Variants in MEIS2 observed in about 807,000 individuals in gnomAD.
The protein encoded by MEIS2 is Meis homeobox 2.
Under a neutral mutation model 58.6 loss-of-function variants are expected in MEIS2, and 9 were observed. The ratio of observed to expected loss-of-function variants is 0.15; its 90% CI spans 0.09 to 0.27. The LOEUF (loss-of-function observed/expected upper bound fraction) is 0.27. MEIS2 is among the 10% of genes least tolerant of loss of function. The probability of loss-of-function intolerance (pLI) is 1.00; values close to 1 mark genes in which losing one functional copy is unlikely to be tolerated. For synonymous variants in MEIS2, 221 were observed against 228.4 expected (o/e 0.97, Z 0.29); for missense variants, 427 against 635.0 (o/e 0.67, Z 3.52).
intron 8 of MEIS2, among the ~76,000 whole-genome samples, chr15:36,978,337 T>C (rs2059824420): frequency 6.6e-6 from 1 of 152,340 alleles, no homozygotes; most frequent in East Asian, 1.9e-4. Context: ...TCTGAGATGT[T>C]AAATGACCTG....
At chr15:36,934,952 T>C (rs2141343068) in intron 9 of MEIS2, among the ~76,000 whole-genome samples, 1 of 152,308 alleles carries the variant, frequency 6.6e-6, no homozygotes, top group Admixed American at 6.5e-5. Context: ...TTATATAGTG[T>C]TCTAGGGATA....
At chr15:37,064,330 A>AT (rs149553574) in intron 7 of MEIS2, among the ~76,000 whole-genome samples, 10,843 of 151,926 alleles carry the variant, frequency 0.071, 429 homozygotes, top group African/African-American at 0.095. Context: ...AGAAATCTCT[A>AT]TTTTTTCTAT....
intron 8 of MEIS2, among the ~76,000 whole-genome samples, chr15:37,016,312 G>T (rs542074778): frequency 7.0e-6 from 1 of 143,804 alleles, no homozygotes; most frequent in Non-Finnish European, 1.5e-5. Context: ...TCCAGTTTTT[G>T]TTCTTTTTTC....
rs190315348 is a variant in MEIS2, at chr15:36,922,159, T to C, written c.978-25473A>G. Among the ~76,000 whole-genome samples the C allele has an allele frequency of 9.8e-5, 15 of 152,288 alleles. No homozygotes were observed. In the East Asian group the frequency reaches 1.7e-3, roughly 18 times the overall value. On this transcript the variant is annotated intron_variant, in intron 9 of 11. Coordinates refer to ENST00000561208, the MANE Select transcript of MEIS2 (RefSeq NM_170675.5). ...ACTGGAAGGAGTAGAAGGGAGAGCA[T>C]TGGTCTGTTAGAACCTAAAGGTTTA...
intron 9 of MEIS2, among the ~76,000 whole-genome samples, chr15:36,917,661 A>G (rs1249014228): frequency 5.3e-5 from 8 of 152,340 alleles, no homozygotes; most frequent in African/African-American, 1.7e-4. Context: ...TTTATCTCCA[A>G]TCATACTCTA....
intron 8 of MEIS2, among the ~76,000 whole-genome samples, chr15:36,952,932 A>T (rs2058813080): frequency 6.6e-6 from 1 of 152,152 alleles, no homozygotes; most frequent in Non-Finnish European, 1.5e-5. Context: ...TCATTAAAAA[A>T]ATTGGTACCT....
At chr15:36,916,430 TAA>T (rs58199968) in intron 9 of MEIS2, among the ~76,000 whole-genome samples, 53 of 121,470 alleles carry the variant, frequency 4.4e-4, no homozygotes, top group Admixed American at 8.3e-4. Context: ...CCATCTCAAT[TAA>T]AAAAAAAAAA....
In MEIS2 at chr15:37,098,225, G is replaced by A. The variant is rs1364871999; in HGVS notation, c.13-26C>T. 7 of 1,561,358 alleles carry A rather than the reference G, an allele frequency of 4.5e-6. No homozygotes were observed. In the Admixed American group the frequency reaches 5.4e-5, roughly 12 times the overall value. On this transcript the variant is annotated intron_variant, in intron 1 of 11. Coordinates refer to ENST00000561208, the MANE Select transcript of MEIS2 (RefSeq NM_170675.5). ...CTGTCAGAACCCGGGAAGGGGGAGG[G>A]GGCGCAGGAGGTGAGGGAGAACAGA...
chr15:36,984,270 G>T (rs1320524907), intron 8 of MEIS2, among the ~76,000 whole-genome samples: 1 of 151,936 alleles, frequency 6.6e-6, no homozygotes, highest in African/African-American at 2.4e-5. Context: ...TATTATGTTA[G>T]CTATAAGCTT....
chr15:36,896,843 G>A (rs1484807991), intron 9 of MEIS2, 157 bp from the exon 10 acceptor site: 1 of 636,634 alleles, frequency 1.6e-6, no homozygotes, highest in Non-Finnish European at 2.7e-6. Context: ...TTCAAAAATA[G>A]TTGACTGGGT....
intron 8 of MEIS2, among the ~76,000 whole-genome samples, chr15:36,977,929 A>G (rs1349742912): frequency 6.6e-6 from 1 of 152,210 alleles, no homozygotes; most frequent in African/African-American, 2.4e-5. Flanking sequence ...AGCAACTACT[A>G]TACACAAAAT....
chr15:37,077,102 A>C (rs1298231403), intron 7 of MEIS2, among the ~76,000 whole-genome samples: 1 of 152,096 alleles, frequency 6.6e-6, no homozygotes, highest in Non-Finnish European at 1.5e-5. Context: ...ATAATAAAAC[A>C]TTTTATTTCC....
chr15:36,916,413 C>T (rs570208467), intron 9 of MEIS2, among the ~76,000 whole-genome samples: 10 of 138,798 alleles, frequency 7.2e-5, no homozygotes, highest in Admixed American at 4.6e-4. Flanking sequence ...GGTGATGGAG[C>T]GAGACTCCAT....
At chr15:36,942,829 G>A (rs898666461) in intron 9 of MEIS2, among the ~76,000 whole-genome samples, 1 of 151,968 alleles carries the variant, frequency 6.6e-6, no homozygotes, top group African/African-American at 2.4e-5. Context: ...ACCAGGCTAT[G>A]GCCCCCAAGA....
At chr15:37,052,582 G>A (rs536964343) in intron 7 of MEIS2, among the ~76,000 whole-genome samples, 3 of 152,290 alleles carry the variant, frequency 2.0e-5, no homozygotes, top group African/African-American at 7.2e-5. Context: ...ACCTGGATAA[G>A]CAGTCACTTA....
At chr15:36,940,892 T>C (rs1324776442) in intron 9 of MEIS2, among the ~76,000 whole-genome samples, 1 of 152,184 alleles carries the variant, frequency 6.6e-6, no homozygotes. Flanking sequence ...TATGTTCCCT[T>C]TGGTGCTAAT....
intron 6 of MEIS2, among the ~76,000 whole-genome samples, chr15:37,087,120 C>T (rs892312724): frequency 5.3e-5 from 8 of 152,002 alleles, no homozygotes; most frequent in Admixed American, 2.0e-4. Flanking sequence ...TAAAGAGAAA[C>T]GCTCGCCGGG....
chr15:37,024,035 G>C (rs984733616), intron 8 of MEIS2, among the ~76,000 whole-genome samples: 1 of 149,550 alleles, frequency 6.7e-6, no homozygotes, highest in Admixed American at 6.7e-5. Flanking sequence ...TCAGCCTCCC[G>C]ATTAGCTGGG....
chr15:37,038,647 T>C (rs1315775992), intron 7 of MEIS2, among the ~76,000 whole-genome samples: 3 of 152,228 alleles, frequency 2.0e-5, no homozygotes, highest in Non-Finnish European at 2.9e-5. Context: ...CTGTTCTCTT[T>C]TTCTTTGCCT....
Sources: gnomAD v4.1 joint callset for allele counts (sites outside exome capture counted in the v4.1 genomes callset) on GRCh38, gnomAD v4.1.1 for gene constraint, MANE v1.5 for transcripts, NCBI Gene and HGNC (gene_info 2026-07-23, HGNC 2026-07-21) for gene names.